The following ATF7IP2 variants were observed in gnomAD, a reference collection of about 807,000 sequenced individuals.
The protein encoded by ATF7IP2 is activating transcription factor 7 interacting protein 2, also known as activating transcription factor 7-interacting protein 2.
Under a neutral mutation model 64.2 loss-of-function variants are expected in ATF7IP2, and 42 were observed. The ratio of observed to expected loss-of-function variants is 0.65; its 90% CI spans 0.51 to 0.85. ATF7IP2 has a LOEUF of 0.85. Ranked by LOEUF, ATF7IP2 falls within the 40% of genes least tolerant of loss-of-function variation. The pLI is 0.00. For synonymous variants in ATF7IP2, 308 were observed against 272.8 expected (o/e 1.13, Z -1.27); for missense variants, 933 against 784.2 (o/e 1.19, Z -2.27).
At chr16:10,409,801 G>A (rs1596455736) in intron 1 of ATF7IP2, among the ~76,000 whole-genome samples, 1 of 152,208 alleles carries the variant, frequency 6.6e-6, no homozygotes, top group Non-Finnish European at 1.5e-5. Flanking sequence ...CATGTGGCTT[G>A]CCAGTTATCC....
intron 1 of ATF7IP2, among the ~76,000 whole-genome samples, chr16:10,407,558 G>A (rs1378141128): frequency 6.6e-6 from 1 of 152,052 alleles, no homozygotes; most frequent in East Asian, 1.9e-4. Flanking sequence ...ACAAAATTCA[G>A]TACCATTTCT....
At chr16:10,455,510 TAACTTCA>T (rs2049134616) in intron 8 of ATF7IP2, among the ~76,000 whole-genome samples, 2 of 152,228 alleles carry the variant, frequency 1.3e-5, no homozygotes, top group Non-Finnish European at 2.9e-5. Context: ...TTTGTTAAGG[TAACTTCA>T]GGAAATTCAC....
At chr16:10,457,951 A>G (rs147625142) in intron 9 of ATF7IP2, among the ~76,000 whole-genome samples, 378 of 152,304 alleles carry the variant, frequency 2.5e-3, no homozygotes, top group African/African-American at 7.3e-3. Flanking sequence ...GGCTCAGGCA[A>G]TCTGTCTGCC....
intron 1 of ATF7IP2, among the ~76,000 whole-genome samples, chr16:10,409,272 A>C (rs534192610): frequency 6.6e-6 from 1 of 152,308 alleles, no homozygotes; most frequent in South Asian, 2.1e-4. Context: ...CCAAGGGAAC[A>C]GATGTGAGTT....
chr16:10,428,652 G>T (rs2048144525), intron 3 of ATF7IP2, among the ~76,000 whole-genome samples: 1 of 152,098 alleles, frequency 6.6e-6, no homozygotes, highest in South Asian at 2.1e-4. Context: ...CTGGTGCCTG[G>T]CACCTGTAAT....
chr16:10,430,711 A>G lies in ATF7IP2; in HGVS notation c.91A>G (p.Lys31Glu). The G allele has an allele frequency of 6.2e-7, 1 of 1,614,170 alleles. No individual in the cohort carries two copies. The highest frequency in any genetic ancestry group is 8.5e-7 in the Non-Finnish European group (1 of 1,180,012). Residue 31 changes from lysine to glutamate, a missense_variant, in exon 5 of 14, where the codon AAG becomes GAG. Physicochemically the swap from Lys to Glu is moderately conservative, Grantham distance 56. Coordinates refer to ENST00000562102, the MANE Select transcript of ATF7IP2 (RefSeq NM_001393719.1). ...CCGGAAGCAAGTAGAGATGCTGAAT[A>G]AGTCAAGGAATGTTGAAGCGCTGAA... ...SCRKQVEMLNKSRNVEALKTA... is the reference protein window; with the variant it reads ...SCRKQVEMLNESRNVEALKTA...
intron 1 of ATF7IP2, among the ~76,000 whole-genome samples, chr16:10,392,173 C>T (rs918689695): frequency 1.3e-5 from 2 of 150,466 alleles, no homozygotes; most frequent in Non-Finnish European, 3.0e-5. Flanking sequence ...CTTGCCTCAG[C>T]CTCCCAAGTA....
At chr16:10,407,452 A>G (rs915692960) in intron 1 of ATF7IP2, among the ~76,000 whole-genome samples, 4 of 152,220 alleles carry the variant, frequency 2.6e-5, no homozygotes, top group Admixed American at 2.6e-4. Flanking sequence ...CCTTATTTAC[A>G]GATGATAAGA....
In ATF7IP2 at chr16:10,430,654, T is replaced by C. The variant is rs749235764; in HGVS notation, c.34T>C (p.Leu12=). Reference sequence around the variant, plus strand: ...TCCAGATAGAAGTAAACGGAAGATATTAAAAGCCAAAAAGACAATGCCCCT... The same window carrying C: ...TCCAGATAGAAGTAAACGGAAGATACTAAAAGCCAAAAAGACAATGCCCCT... ...ASPDRSKRKI[L]KAKKTMPLSC... The change falls in exon 5 of 14, where the codon TTA becomes CTA. Residue 12 remains leucine, a synonymous_variant. Coordinates refer to ENST00000562102, the MANE Select transcript of ATF7IP2 (RefSeq NM_001393719.1). The C allele has an allele frequency of 5.0e-6, 8 of 1,613,774 alleles. No homozygotes were observed. Among genetic ancestry groups the C allele is most frequent in the South Asian group, 1.1e-5 (1 of 91,058 alleles).
chr16:10,483,224 A>G lies in ATF7IP2; in HGVS notation c.*975A>G, dbSNP rs1003269011. The G allele has an allele frequency of 1.3e-5, 2 of 152,224 alleles. No individual in the cohort carries two copies. The highest frequency in any genetic ancestry group is 3.2e-3 in the Middle Eastern group (1 of 316). The allele number at this position is 152,224 out of a possible 1,614,324, so 9.4% of individuals were successfully genotyped here. A position where few individuals can be genotyped will look rare whatever the true frequency, so the allele number is the denominator to read the frequency against. ...CACAAAAACATAATGTATCTTATGA[A>G]AGCATTACCCAACCTGTTTGAGTTG... On this transcript the variant is annotated 3_prime_UTR_variant, in exon 14 of 14. Transcript: ENST00000562102.
chr16:10,421,721 C>G (rs1287566171), intron 3 of ATF7IP2, among the ~76,000 whole-genome samples: 1 of 152,188 alleles, frequency 6.6e-6, no homozygotes, highest in East Asian at 1.9e-4. Flanking sequence ...AGTATATCAT[C>G]CATATGATGA....
intron 3 of ATF7IP2, among the ~76,000 whole-genome samples, chr16:10,427,905 C>G (rs925934856): frequency 6.0e-5 from 9 of 149,646 alleles, no homozygotes; most frequent in South Asian, 2.1e-4. Context: ...CACAAATGAT[C>G]AGATAAACAA....
chr16:10,407,568 T>C (rs1221043225), intron 1 of ATF7IP2, among the ~76,000 whole-genome samples: 1 of 152,260 alleles, frequency 6.6e-6, no homozygotes, highest in Non-Finnish European at 1.5e-5. Context: ...GTACCATTTC[T>C]ATATGCTAAC....
chr16:10,440,518 G>C, intron 8 of ATF7IP2, 56 bp downstream of exon 8: 1 of 996,038 alleles, frequency 1.0e-6, no homozygotes. Flanking sequence ...TAAGTGGTTT[G>C]ATTAGAAGAA....
chr16:10,411,475 G>A (rs1185191122), intron 1 of ATF7IP2, among the ~76,000 whole-genome samples: 3 of 151,598 alleles, frequency 2.0e-5, no homozygotes, highest in Non-Finnish European at 4.4e-5. Flanking sequence ...GGCTCAAGCA[G>A]TTCTCCTGTC....
intron 1 of ATF7IP2, among the ~76,000 whole-genome samples, chr16:10,402,266 T>C (rs1375557712): frequency 6.6e-6 from 1 of 152,200 alleles, no homozygotes; most frequent in Non-Finnish European, 1.5e-5. Flanking sequence ...CCAGAAGTTT[T>C]AGTATGTCGT....
At chr16:10,477,234 G>C (rs891689555) in intron 12 of ATF7IP2, among the ~76,000 whole-genome samples, 2 of 152,176 alleles carry the variant, frequency 1.3e-5, no homozygotes, top group African/African-American at 4.8e-5. Flanking sequence ...AGGAACTTAA[G>C]CAAATTTACA....
intron 3 of ATF7IP2, among the ~76,000 whole-genome samples, chr16:10,420,375 A>G (rs1208023660): frequency 1.3e-5 from 2 of 152,234 alleles, no homozygotes; most frequent in Non-Finnish European, 2.9e-5. Context: ...TCCATTTGCC[A>G]AAGAGAATTA....
intron 3 of ATF7IP2, among the ~76,000 whole-genome samples, chr16:10,424,276 A>G (rs2048042055): frequency 6.6e-6 from 1 of 152,142 alleles, no homozygotes; most frequent in East Asian, 1.9e-4. Flanking sequence ...TGCTGCAGAG[A>G]TTTTGTTTAT....
Sources: allele counts gnomAD v4.1 joint callset (sites outside exome capture counted in the v4.1 genomes callset), GRCh38; gene constraint gnomAD v4.1.1; transcripts MANE v1.5; gene names NCBI Gene and HGNC (gene_info 2026-07-23, HGNC 2026-07-21).